Variants in SSBP2 observed in about 807,000 individuals in gnomAD.
SSBP2 encodes single stranded DNA binding protein 2, also known as single-stranded DNA-binding protein 2.
A neutral mutation model predicts 61.8 loss-of-function variants in SSBP2; 17 were observed. The observed-to-expected ratio is 0.28, with a 90% CI of 0.19 to 0.41. SSBP2 has a LOEUF of 0.41. Ranked by LOEUF, SSBP2 falls within the 10% of genes least tolerant of loss-of-function variation. SSBP2 has a pLI of 1.00. For synonymous variants in SSBP2, 139 were observed against 141.3 expected, an observed-to-expected ratio of 0.98 and a Z score of 0.12; for missense variants, 310 against 458.7, an observed-to-expected ratio of 0.68 and a Z score of 2.96.
chr5:81,582,892 C>T (rs922656605), intron 4 of SSBP2, among the ~76,000 whole-genome samples: 1 of 152,074 alleles, frequency 6.6e-6, no homozygotes, highest in Non-Finnish European at 1.5e-5. Flanking sequence ...CGCACCTGGC[C>T]TTACTGTCTT....
chr5:81,520,310 GAATAT>G (rs2154092765), intron 4 of SSBP2, among the ~76,000 whole-genome samples: 1 of 152,114 alleles, frequency 6.6e-6, no homozygotes, highest in East Asian at 1.9e-4. Flanking sequence ...AAAATGCAAA[GAATAT>G]AAAACTACAA....
At chr5:81,615,959 A>G (rs994961267) in intron 3 of SSBP2, 9 of 158,266 alleles carry the variant, frequency 5.7e-5, no homozygotes, top group South Asian at 1.9e-4. Context: ...TTTACAGATA[A>G]TTTTGTTGTC....
intron 4 of SSBP2, among the ~76,000 whole-genome samples, chr5:81,538,339 A>G (rs1408915718): frequency 6.6e-6 from 1 of 152,228 alleles, no homozygotes; most frequent in African/African-American, 2.4e-5. Context: ...AGAGAGCAGC[A>G]GACAAAAAGT....
chr5:81,719,751 A>T (rs932713495), intron 1 of SSBP2, among the ~76,000 whole-genome samples: 1 of 152,186 alleles, frequency 6.6e-6, no homozygotes, highest in Admixed American at 6.6e-5. Context: ...AGGGGAAAGC[A>T]TGGCACAAGC....
intron 4 of SSBP2, among the ~76,000 whole-genome samples, chr5:81,602,603 G>A (rs138364045): frequency 7.4e-4 from 113 of 152,254 alleles, no homozygotes; most frequent in African/African-American, 2.6e-3. Context: ...CCCTGAGACC[G>A]CATTTTCCTA....
intron 4 of SSBP2, among the ~76,000 whole-genome samples, chr5:81,530,134 C>T (rs944617524): frequency 3.3e-5 from 5 of 151,990 alleles, no homozygotes; most frequent in Non-Finnish European, 7.4e-5. Context: ...GAATAAGGAT[C>T]CTGTGTGACA....
chr5:81,623,706 C>T (rs969363357), intron 3 of SSBP2, among the ~76,000 whole-genome samples: 2 of 151,876 alleles, frequency 1.3e-5, no homozygotes, highest in Admixed American at 6.5e-5. Flanking sequence ...TTATTGTTGG[C>T]GTATGCCCTA....
chr5:81,512,749 G>A (rs1279039955), intron 5 of SSBP2, among the ~76,000 whole-genome samples: 1 of 151,994 alleles, frequency 6.6e-6, no homozygotes, highest in East Asian at 1.9e-4. Context: ...GTGTGAATTT[G>A]AATTAGCTAA....
At chr5:81,591,187 T>G (rs1174985085) in intron 4 of SSBP2, among the ~76,000 whole-genome samples, 1 of 152,100 alleles carries the variant, frequency 6.6e-6, no homozygotes, top group East Asian at 1.9e-4. Context: ...CACAAGATAA[T>G]GCTAGAGAAA....
At position 81,587,755 on chromosome 5, in the gene SSBP2, A is replaced by ACGCGCG. The variant is rs780681857; in HGVS notation, c.282+27712_282+27717dup. Among the ~76,000 whole-genome samples the ACGCGCG allele has an allele frequency of 2.5e-4, 34 of 137,910 alleles. 1 individual carries two copies. The highest frequency in any genetic ancestry group is 7.5e-4 in the African/African-American group (30 of 39,766). 90.5% of individuals were successfully genotyped at this position (137,910 alleles called of 152,430 possible). A position where few individuals can be genotyped will look rare whatever the true frequency, so the allele number is the denominator to read the frequency against. ...AAAACATACACACACACGCACACAC[A>ACGCGCG]CGCGCGCGCACACACACACACACAC... On this transcript the variant is annotated intron_variant, in intron 4 of 16. Transcript: ENST00000320672.
chr5:81,595,350 T>C (rs943022099), intron 4 of SSBP2, among the ~76,000 whole-genome samples: 4 of 152,130 alleles, frequency 2.6e-5, no homozygotes, highest in Non-Finnish European at 4.4e-5. Context: ...CAATAATCAA[T>C]AGCTTACTAA....
At position 81,696,981 on chromosome 5, in the gene SSBP2, T is replaced by A. The variant is rs537253071; in HGVS notation, c.63-46642A>T. On this transcript the variant is annotated intron_variant, in intron 1 of 16. Coordinates refer to ENST00000320672, the MANE Select transcript of SSBP2 (RefSeq NM_012446.5). The stretch of plus-strand genomic sequence containing the variant: ...AGTCCAACATCTCCAAGAATCCCCA[T>A]CCATGATGCACACGTACCTGTCATC... 3.9e-5 allele frequency among the ~76,000 whole-genome samples: 6 copies of A among 152,256 alleles called. No homozygotes were observed. In the East Asian group the frequency reaches 1.2e-3, roughly 29 times the overall value.
chr5:81,710,472 C>T (rs920747421), intron 1 of SSBP2, among the ~76,000 whole-genome samples: 1 of 151,968 alleles, frequency 6.6e-6, no homozygotes, highest in African/African-American at 2.4e-5. Flanking sequence ...AGGACCTATA[C>T]AGTTACAACA....
At chr5:81,468,075 CATATCTAAAAGTAAACTCAAT>C (rs1765011918) in intron 8 of SSBP2, among the ~76,000 whole-genome samples, 1 of 151,984 alleles carries the variant, frequency 6.6e-6, no homozygotes, top group Non-Finnish European at 1.5e-5. Context: ...TTACTCACAA[CATATCTAAAAGTAAACTCAAT>C]ATTATCTTCT....
At chr5:81,600,013 C>T (rs998649674) in intron 4 of SSBP2, among the ~76,000 whole-genome samples, 1 of 152,138 alleles carries the variant, frequency 6.6e-6, no homozygotes, top group Non-Finnish European at 1.5e-5. Flanking sequence ...TTATTTCTGT[C>T]TCTTTGACAC....
chr5:81,730,282 T>C (rs1581435796), intron 1 of SSBP2, among the ~76,000 whole-genome samples: 2 of 152,318 alleles, frequency 1.3e-5, no homozygotes, highest in East Asian at 3.9e-4. Context: ...TGGAGTGCAG[T>C]GGCACGATCT....
intron 1 of SSBP2, among the ~76,000 whole-genome samples, chr5:81,705,258 ACTC>A (rs1458970164): frequency 6.6e-6 from 1 of 152,200 alleles, no homozygotes; most frequent in East Asian, 1.9e-4. Flanking sequence ...ATTTTTCTAT[ACTC>A]CTCTTATTAA....
chr5:81,657,847 AAGG>A (rs1750356304), intron 1 of SSBP2, among the ~76,000 whole-genome samples: 1 of 152,128 alleles, frequency 6.6e-6, no homozygotes, highest in Non-Finnish European at 1.5e-5. Flanking sequence ...TTTTAGAGGG[AAGG>A]AGGATTTAGC....
At chr5:81,540,981 A>G (rs1771220659) in intron 4 of SSBP2, among the ~76,000 whole-genome samples, 3 of 152,138 alleles carry the variant, frequency 2.0e-5, no homozygotes, top group Admixed American at 2.0e-4. Context: ...CTATCTCTCT[A>G]TGCAAACAAT....
Sources: allele counts gnomAD v4.1 joint callset (sites outside exome capture counted in the v4.1 genomes callset), GRCh38; gene constraint gnomAD v4.1.1; transcripts MANE v1.5; gene names NCBI Gene and HGNC (gene_info 2026-07-23, HGNC 2026-07-21).